The following TMEM53 variants were observed in gnomAD, a reference collection of about 807,000 sequenced individuals.
TMEM53 encodes the protein transmembrane protein 53, also known as novel DUF829 domain-containing protein.
In TMEM53, 14 loss-of-function variants were observed where a neutral mutation model predicts 21.4. The observed-to-expected ratio is 0.65, with a 90% CI of 0.43 to 1.02. The LOEUF is 1.02. Ranked by LOEUF, TMEM53 falls within the 50% of genes least tolerant of loss-of-function variation. The pLI is 0.00. For missense variants in TMEM53, 323 were observed against 383.6 expected (o/e 0.84, Z 1.32); for synonymous variants, 148 against 157.4 (o/e 0.94, Z 0.45).
intron 2 of TMEM53, among the ~76,000 whole-genome samples, chr1:44,659,528 T>C (rs1644880154): frequency 2.0e-5 from 3 of 152,178 alleles, no homozygotes; most frequent in African/African-American, 7.2e-5. Flanking sequence ...CCTACTAGTC[T>C]GGGAATGTGA....
In TMEM53 at chr1:44,674,360, T is replaced by G. The variant is rs1399687468; in HGVS notation, c.32A>C (p.Glu11Ala). MASAELDYTI[E>A]IPDQPCWSQK... ...GCTCCAGCAGGGCTGATCCGGGATC[T>G]CGATGGTGTAGTCCAGCTCTGCCGA... Residue 11 changes from glutamate (E) to alanine (A), a missense_variant, in exon 1 of 3, where the codon GAG becomes GCG. Around this residue, in one of 3 missense-constraint regions of TMEM53, gnomAD observed 49 missense variants for 32.9 expected, o/e 1.49. Transcript: ENST00000372237. 6.2e-7 allele frequency: 1 copy of G among 1,612,854 alleles called. No homozygotes were observed. The highest frequency in any genetic ancestry group is 1.3e-5 in the African/African-American group (1 of 74,864).
chr1:44,665,211 C>T (rs1442434459), intron 1 of TMEM53, among the ~76,000 whole-genome samples: 1 of 152,088 alleles, frequency 6.6e-6, no homozygotes, highest in Non-Finnish European at 1.5e-5. Context: ...AGGTAGGAGG[C>T]TACTGTAAAA....
chr1:44,669,126 C>A (rs1041189288), intron 1 of TMEM53, among the ~76,000 whole-genome samples: 3 of 152,168 alleles, frequency 2.0e-5, no homozygotes, highest in Admixed American at 2.0e-4. Flanking sequence ...TATTACTTCA[C>A]AAGTAATGCA....
intron 2 of TMEM53, among the ~76,000 whole-genome samples, chr1:44,659,855 C>CTTTT (rs35618807): frequency 3.6e-4 from 38 of 106,932 alleles, no homozygotes; most frequent in African/African-American, 4.4e-4. Flanking sequence ...TCCTCACAGG[C>CTTTT]TTTTTTTTTT....
intron 1 of TMEM53, among the ~76,000 whole-genome samples, chr1:44,665,210 G>A (rs1644938142): frequency 6.6e-6 from 1 of 152,140 alleles, no homozygotes; most frequent in Admixed American, 6.5e-5. Flanking sequence ...CAGGTAGGAG[G>A]CTACTGTAAA....
intron 1 of TMEM53, among the ~76,000 whole-genome samples, chr1:44,669,718 C>T (rs1053343137): frequency 6.6e-6 from 1 of 151,714 alleles, no homozygotes; most frequent in South Asian, 2.1e-4. Context: ...AGGAGGCCTG[C>T]AAAGAGGCCT....
intron 1 of TMEM53, 40 bp from the exon 2 acceptor site, chr1:44,660,335 T>G (rs934759137): frequency 2.4e-5 from 37 of 1,563,568 alleles, no homozygotes; most frequent in Admixed American, 2.2e-4. Flanking sequence ...AGAGCTGGGG[T>G]GGGGGCGGGG....
At chr1:44,667,458 C>A (rs549108193) in intron 1 of TMEM53, among the ~76,000 whole-genome samples, 1 of 151,920 alleles carries the variant, frequency 6.6e-6, no homozygotes, top group South Asian at 2.1e-4. Flanking sequence ...CAGGCGCCCA[C>A]CATCATGCCC....
intron 1 of TMEM53, among the ~76,000 whole-genome samples, chr1:44,666,879 C>T (rs1487084842): frequency 6.6e-6 from 1 of 151,832 alleles, no homozygotes; most frequent in African/African-American, 2.4e-5. Flanking sequence ...GGGCCTCACT[C>T]TGTCACCCAG....
At position 44,654,948 on chromosome 1, in the gene TMEM53, T is replaced by C. The variant is rs1644834816; in HGVS notation, c.445A>G (p.Ser149Gly). 6.2e-7 allele frequency: 1 copy of C among 1,613,778 alleles called. No homozygotes were observed. ...GTIFDSAPGD[S>G]NLVGALRALA... is the part of the protein sequence containing the mutation. ...GCCCGCAGAGCCCCTACCAGGTTGC[T>C]GTCACCAGGAGCGCTGTCAAAGATG... The change falls in exon 3 of 3, where the codon AGC (serine) becomes GGC (glycine). Residue 149 changes from serine to glycine, a missense_variant. By Grantham distance (56) the Ser-to-Gly change is moderately conservative. Around this residue, in one of 3 missense-constraint regions of TMEM53, gnomAD observed 269 missense variants for 334.5 expected, o/e 0.80. Transcript: ENST00000372237. This position sits in a 1 kb window ranked among gnomAD's most constrained non-coding sequence, Gnocchi z 7.0.
intron 2 of TMEM53, among the ~76,000 whole-genome samples, chr1:44,656,234 G>T (rs1358607249): frequency 3.3e-5 from 5 of 151,988 alleles, no homozygotes; most frequent in Non-Finnish European, 5.9e-5. Flanking sequence ...AGATTACGGT[G>T]AAATTGGGAT....
intron 1 of TMEM53, among the ~76,000 whole-genome samples, chr1:44,664,941 C>T (rs1308559017): frequency 2.0e-5 from 3 of 152,192 alleles, no homozygotes; most frequent in East Asian, 1.9e-4. Flanking sequence ...CCTCCACCAC[C>T]GCGACCTTGC....
intron 2 of TMEM53, among the ~76,000 whole-genome samples, chr1:44,659,432 C>A (rs1644878996): frequency 6.6e-6 from 1 of 152,170 alleles, no homozygotes. Context: ...ATAACCAGGT[C>A]CTGCTAAGGC....
intron 2 of TMEM53, among the ~76,000 whole-genome samples, chr1:44,659,960 G>T (rs1042394979): frequency 8.1e-5 from 12 of 147,718 alleles, no homozygotes; most frequent in Non-Finnish European, 1.8e-4. Flanking sequence ...CTGGGCTCAA[G>T]CGATTCTCCT....
At chr1:44,672,890 G>A (rs576316155) in intron 1 of TMEM53, among the ~76,000 whole-genome samples, 2 of 152,240 alleles carry the variant, frequency 1.3e-5, no homozygotes, top group African/African-American at 4.8e-5. Context: ...GCAATCCCAC[G>A]AGGAGGTAGG....
chr1:44,661,456 G>T (rs368325698), intron 1 of TMEM53, among the ~76,000 whole-genome samples: 2 of 151,424 alleles, frequency 1.3e-5, no homozygotes, highest in Non-Finnish European at 2.9e-5. Flanking sequence ...GGCCAGGCTG[G>T]TCTCGAACTC....
At chr1:44,666,850 T>TC (rs1644953024) in intron 1 of TMEM53, among the ~76,000 whole-genome samples, 2 of 132,822 alleles carry the variant, frequency 1.5e-5, no homozygotes, top group Non-Finnish European at 3.0e-5. Flanking sequence ...ACTTTTTTTT[T>TC]TTGTTTTGTT....
chr1:44,662,540 C>T (rs377551519), intron 1 of TMEM53, among the ~76,000 whole-genome samples: 44 of 152,130 alleles, frequency 2.9e-4, no homozygotes, highest in African/African-American at 6.5e-4. Flanking sequence ...GCTCAGGCTG[C>T]GGCGGCCTCA....
At chr1:44,667,445 T>C (rs1193987700) in intron 1 of TMEM53, among the ~76,000 whole-genome samples, 1 of 151,694 alleles carries the variant, frequency 6.6e-6, no homozygotes, top group African/African-American at 2.4e-5. Flanking sequence ...GTTGCTGGGA[T>C]TACAGGCGCC....
Sources: allele counts gnomAD v4.1 joint callset (sites outside exome capture counted in the v4.1 genomes callset), GRCh38; gene constraint gnomAD v4.1.1; regional missense constraint gnomAD v4.1.1; non-coding constraint Gnocchi (gnomAD v3.1); transcripts MANE v1.5; gene names NCBI Gene and HGNC (gene_info 2026-07-23, HGNC 2026-07-21).